The following SPATA6 variants were observed in gnomAD, a reference collection of about 807,000 sequenced individuals.
SPATA6 encodes the protein spermatogenesis-associated protein 6.
A neutral mutation model predicts 65.3 loss-of-function variants in SPATA6; 56 were observed. The ratio of observed to expected loss-of-function variants is 0.86; its 90% CI spans 0.69 to 1.07. SPATA6 has a LOEUF of 1.07. Among genes scored for constraint, SPATA6 ranks in the 50% least tolerant of loss-of-function variants. The pLI is 0.00. For missense variants in SPATA6, 590 were observed against 594.8 expected (o/e 0.99, Z 0.08); for synonymous variants, 199 against 213.2 (o/e 0.93, Z 0.58).
chr1:48,267,205 G>A, the SPATA6 span, among the ~76,000 whole-genome samples: 1 of 152,108 alleles, frequency 6.6e-6, no homozygotes, highest in South Asian at 2.1e-4. Flanking sequence ...GGGTGTGCAT[G>A]CAGACGGGCA....
chr1:48,362,598 C>A (rs1246006755), intron 9 of SPATA6, among the ~76,000 whole-genome samples: 1 of 152,078 alleles, frequency 6.6e-6, no homozygotes, highest in African/African-American at 2.4e-5. Flanking sequence ...AGGGCATATA[C>A]AGAAGGATAA....
chr1:48,266,964 T>G, the SPATA6 span, among the ~76,000 whole-genome samples: 1 of 152,176 alleles, frequency 6.6e-6, no homozygotes, highest in African/African-American at 2.4e-5. Context: ...AAGTGATAGA[T>G]TCCTTTTCAA....
intron 3 of SPATA6, among the ~76,000 whole-genome samples, chr1:48,424,068 G>A (rs1653611915): frequency 1.3e-5 from 2 of 151,990 alleles, no homozygotes. Context: ...TCACCCAATT[G>A]TGCTATCAAA....
At chr1:48,432,018 G>C (rs1333227994) in intron 3 of SPATA6, among the ~76,000 whole-genome samples, 1 of 152,148 alleles carries the variant, frequency 6.6e-6, no homozygotes, top group African/African-American at 2.4e-5. Flanking sequence ...CCTGAGGTGG[G>C]AGAATGGCTT....
intron 9 of SPATA6, among the ~76,000 whole-genome samples, chr1:48,371,371 A>G (rs139534129): frequency 6.6e-6 from 1 of 152,342 alleles, no homozygotes; most frequent in Non-Finnish European, 1.5e-5. Context: ...GATAGCTAAC[A>G]AAACCTTACT....
intron 11 of SPATA6, among the ~76,000 whole-genome samples, chr1:48,337,363 G>C (rs769856732): frequency 6.6e-6 from 1 of 151,434 alleles, no homozygotes; most frequent in Non-Finnish European, 1.5e-5. Context: ...AGAAAATAAG[G>C]AATTTCTGTA....
intron 11 of SPATA6, among the ~76,000 whole-genome samples, chr1:48,329,192 G>A (rs1645845647): frequency 6.6e-6 from 1 of 152,142 alleles, no homozygotes; most frequent in Non-Finnish European, 1.5e-5. Flanking sequence ...TTACCACAGA[G>A]CCAATGAAGA....
intron 5 of SPATA6, among the ~76,000 whole-genome samples, chr1:48,408,706 A>G (rs1164654874): frequency 6.6e-6 from 1 of 152,232 alleles, no homozygotes; most frequent in Non-Finnish European, 1.5e-5. Flanking sequence ...ACACTTCCAC[A>G]TGGTGGAATG....
chr1:48,320,445 A>G (rs967683651), intron 11 of SPATA6, among the ~76,000 whole-genome samples: 1 of 152,360 alleles, frequency 6.6e-6, no homozygotes, highest in Non-Finnish European at 1.5e-5. Context: ...CTTACAGGCC[A>G]GGAAAGGGTA....
chr1:48,310,637 G>C (rs1645181235), intron 11 of SPATA6, among the ~76,000 whole-genome samples: 1 of 152,102 alleles, frequency 6.6e-6, no homozygotes, highest in Admixed American at 6.6e-5. Context: ...TGTACAGTTC[G>C]AAGACAGCAA....
At chr1:48,316,906 C>T (rs1196265556) in intron 11 of SPATA6, among the ~76,000 whole-genome samples, 1 of 152,172 alleles carries the variant, frequency 6.6e-6, no homozygotes, top group Non-Finnish European at 1.5e-5. Flanking sequence ...GACATTTATG[C>T]AGCCAACAGA....
chr1:48,415,579 T>A (rs771050834), intron 3 of SPATA6, among the ~76,000 whole-genome samples: 4 of 151,198 alleles, frequency 2.6e-5, no homozygotes, highest in Non-Finnish European at 5.9e-5. Context: ...GAAGAAAGAA[T>A]CTTAAAGCTT....
At chr1:48,378,600 G>A (rs1046290228) in intron 9 of SPATA6, among the ~76,000 whole-genome samples, 8 of 152,146 alleles carry the variant, frequency 5.3e-5, no homozygotes, top group African/African-American at 1.9e-4. Context: ...GAAAAATGAG[G>A]AAGAAGCAAA....
intron 11 of SPATA6, among the ~76,000 whole-genome samples, chr1:48,310,253 T>C (rs1459868748): frequency 6.6e-6 from 1 of 152,136 alleles, no homozygotes; most frequent in Non-Finnish European, 1.5e-5. Flanking sequence ...CAAAGTGGGG[T>C]CTTCCAGGCA....
At position 48,399,424 on chromosome 1, in the gene SPATA6, C is replaced by A. The variant is rs753269962; in HGVS notation, c.707G>T (p.Arg236Leu). The change falls in exon 7 of 13, where the codon CGG becomes CTG. Residue 236 changes from arginine (R) to leucine (L), a missense_variant. Arg to Leu is a moderately radical substitution (Grantham distance 102, BLOSUM62 -2). Coordinates refer to ENST00000371847, the MANE Select transcript of SPATA6 (RefSeq NM_019073.4). ...MCELSEDTRR[R>L]LAHLNLGPYE... The stretch of plus-strand genomic sequence containing the variant: ...GGGTCCCAGATTTAAATGGGCCAGC[C>A]GCCGCCTGGTGTCTTCAGATAGCTC... 2 of 1,613,028 alleles carry A rather than the reference C, an allele frequency of 1.2e-6. No homozygotes were observed. The highest frequency in any genetic ancestry group is 2.7e-5 in the African/African-American group (2 of 74,828).
At chr1:48,270,233 A>G in the SPATA6 span, among the ~76,000 whole-genome samples, 656 of 152,222 alleles carry the variant, frequency 4.3e-3, 5 homozygotes, top group African/African-American at 0.015. Context: ...ATAATTCTGC[A>G]TTGATGTGCC....
intron 11 of SPATA6, among the ~76,000 whole-genome samples, chr1:48,327,380 G>A (rs760061815): frequency 7.2e-5 from 11 of 152,112 alleles, no homozygotes; most frequent in Non-Finnish European, 1.3e-4. Flanking sequence ...AAAAGGGAAC[G>A]CTTACACACT....
At chr1:48,365,129 G>A (rs1646956211) in intron 9 of SPATA6, among the ~76,000 whole-genome samples, 4 of 152,100 alleles carry the variant, frequency 2.6e-5, no homozygotes. Flanking sequence ...CATTATTTCT[G>A]AGGGCTCTGT....
At chr1:48,320,637 A>G (rs1330634968) in intron 11 of SPATA6, among the ~76,000 whole-genome samples, 1 of 152,238 alleles carries the variant, frequency 6.6e-6, no homozygotes, top group Non-Finnish European at 1.5e-5. Context: ...AATATGAAAG[A>G]AAAGGATGTT....
Sources: allele counts gnomAD v4.1 joint callset (sites outside exome capture counted in the v4.1 genomes callset), GRCh38; gene constraint gnomAD v4.1.1; transcripts MANE v1.5; gene names NCBI Gene and HGNC (gene_info 2026-07-23, HGNC 2026-07-21).